CACNA1A: variants seen among roughly 807,000 people sequenced by gnomAD.
CACNA1A encodes the protein voltage-dependent P/Q-type calcium channel subunit alpha-1A.
Under a neutral mutation model 262.4 loss-of-function variants are expected in CACNA1A, and 57 were observed. That is an observed-to-expected ratio of 0.22 (90% CI 0.18 to 0.27). CACNA1A has a LOEUF of 0.27. Among genes scored for constraint, CACNA1A ranks in the 10% least tolerant of loss-of-function variants. The probability of loss-of-function intolerance (pLI) is 1.00; values close to 1 mark genes in which losing one functional copy is unlikely to be tolerated. For missense variants in CACNA1A, 2,526 were observed against 3,562.8 expected, an observed-to-expected ratio of 0.71 and a Z score of 7.41; for synonymous variants, 1,431 against 1,419.3, an observed-to-expected ratio of 1.01 and a Z score of -0.18.
Position 13,232,722 on chromosome 19 carries a change from G to C in CACNA1A, c.5250-862C>G, listed in dbSNP as rs1037759986. On this transcript the variant is annotated intron_variant, in intron 34 of 46. Coordinates refer to ENST00000360228, the MANE Select transcript of CACNA1A (RefSeq NM_001127222.2). ...CTCCAGCCTGGGTGACAAAGAGGGA[G>C]ATTCTGTCTCAAAAAAAAGCAAAAA... Among the ~76,000 whole-genome samples, 5 of 128,560 alleles carry C rather than the reference G, an allele frequency of 3.9e-5. No individual in the cohort carries two copies. In the Admixed American group the frequency reaches 4.2e-4, roughly 11 times the overall value. 84.3% of individuals were successfully genotyped at this position (128,560 alleles called of 152,430 possible). A position where few individuals can be genotyped will look rare whatever the true frequency, so the allele number is the denominator to read the frequency against.
chr19:13,212,546 G>T lies in CACNA1A; in HGVS notation c.6051-24C>A, dbSNP rs764536379. 4 of 1,545,702 alleles carry T rather than the reference G, an allele frequency of 2.6e-6. No individual in the cohort carries two copies. In the South Asian group the frequency reaches 3.6e-5, roughly 14 times the overall value. On this transcript the variant is annotated intron_variant, in intron 41 of 46. Coordinates refer to ENST00000360228, the MANE Select transcript of CACNA1A (RefSeq NM_001127222.2). This position sits in a 1 kb window ranked among gnomAD's most constrained non-coding sequence, Gnocchi z 5.6. ...TCCTGCATGGGGGACAGAGGCCGGG[G>T]TAGCAGTGGGCGCTTGGGCAGCTTC...
rs1376539326 is a variant in CACNA1A, at chr19:13,446,422, TGC to T, written c.539+6452_539+6453del. On this transcript the variant is annotated intron_variant, in intron 3 of 46. Transcript: ENST00000360228. ...TAGGTCTGCATGATGTGTGTGTGTG[TGC>T]GCGCGTGTTTTTTCTTTCTTTTTTT... Among the ~76,000 whole-genome samples, 3 of 149,674 alleles carry T rather than the reference TGC, an allele frequency of 2.0e-5. No individual in the cohort carries two copies. In the East Asian group the frequency reaches 5.9e-4, roughly 30 times the overall value.
At chr19:13,367,084 A>C (rs1239239622) in intron 4 of CACNA1A, among the ~76,000 whole-genome samples, 1 of 151,976 alleles carries the variant, frequency 6.6e-6, no homozygotes, top group Admixed American at 6.6e-5. Flanking sequence ...TAACGAGGTC[A>C]GGAGTTCAAG....
chr19:13,402,857 T>TACACACACAC (rs1282745878), intron 3 of CACNA1A, among the ~76,000 whole-genome samples: 3 of 75,838 alleles, frequency 4.0e-5, no homozygotes, highest in African/African-American at 1.6e-4. Context: ...CATATATATA[T>TACACACACAC]ACACACACAC....
rs2061255186 is a variant in CACNA1A, at chr19:13,466,910, T to TTATTTATTTATA, written c.294-11699_294-11698insTATAAATAAATA. On this transcript the variant is annotated intron_variant, in intron 1 of 46. Coordinates refer to ENST00000360228, the MANE Select transcript of CACNA1A (RefSeq NM_001127222.2). ...TTTATTTATTTATTTATTTATTTAT[T>TTATTTATTTATA]TATTTGTAGAGATGGGTCTCGCTAT... is the stretch of plus-strand genomic sequence containing the variant. Among the ~76,000 whole-genome samples, 5 of 151,774 alleles carry TTATTTATTTATA rather than the reference T, an allele frequency of 3.3e-5. No individual in the cohort carries two copies. In the East Asian group the frequency reaches 9.7e-4, roughly 29 times the overall value.
intron 5 of CACNA1A, among the ~76,000 whole-genome samples, chr19:13,360,474 A>ATT (rs58721308): frequency 5.1e-4 from 64 of 126,232 alleles, no homozygotes; most frequent in Non-Finnish European, 7.8e-4. Flanking sequence ...TGCCACTAGA[A>ATT]TTTTTTTTTT....
intron 38 of CACNA1A, among the ~76,000 whole-genome samples, chr19:13,222,142 A>G (rs962568281): frequency 1.3e-5 from 2 of 151,906 alleles, no homozygotes; most frequent in African/African-American, 4.8e-5. Context: ...CCTGACCTCA[A>G]GTGATCCACC....
chr19:13,227,174 C>T (rs1047979640), intron 37 of CACNA1A: 1 of 256,178 alleles, frequency 3.9e-6, no homozygotes, highest in African/African-American at 2.2e-5. Context: ...CTCCCCCCGG[C>T]ATGTCGGCCA....
intron 3 of CACNA1A, among the ~76,000 whole-genome samples, chr19:13,387,014 C>T (rs1031946632): frequency 6.6e-6 from 1 of 151,954 alleles, no homozygotes; most frequent in African/African-American, 2.4e-5. Context: ...TTCAGTGGTG[C>T]AATCTGGGCT....
intron 4 of CACNA1A, chr19:13,366,135 C>CAT (rs1424772034): frequency 4.6e-5 from 7 of 151,926 alleles, no homozygotes; most frequent in Non-Finnish European, 1.0e-4. Flanking sequence ...GCTAATTTTT[C>CAT]ATATTTTTAG....
Position 13,317,238 on chromosome 19 carries a change from A to C in CACNA1A, c.1429T>G (p.Phe477Val), listed in dbSNP as rs1413181388. 1 of 1,613,678 alleles carries C rather than the reference A, an allele frequency of 6.2e-7. No homozygotes were observed. Among genetic ancestry groups the C allele is most frequent in the South Asian group, 1.1e-5 (1 of 91,034 alleles). ...GTTTTGACCATGCGGCGGATGTAGAAACGCATCCTCCTCTCCTTTTTGTGA... is the reference window on the plus strand; with the variant it reads ...GTTTTGACCATGCGGCGGATGTAGACACGCATCCTCCTCTCCTTTTTGTGA... ...FFHKKERRMR[F>V]YIRRMVKTQA... Residue 477 changes from phenylalanine to valine, a missense_variant, in exon 11 of 47, where the codon TTC becomes GTC. Phe to Val is a conservative substitution (Grantham distance 50, BLOSUM62 -1). Around this residue, in one of 17 missense-constraint regions of CACNA1A, gnomAD observed 104 missense variants for 127.6 expected, o/e 0.81. Transcript: ENST00000360228.
At chr19:13,464,839 C>CAT (rs2061201985) in intron 1 of CACNA1A, among the ~76,000 whole-genome samples, 1 of 152,080 alleles carries the variant, frequency 6.6e-6, no homozygotes, top group African/African-American at 2.4e-5. Context: ...TGAGCCACTG[C>CAT]GCCCGGCCAA....
At chr19:13,231,976 G>A in intron 34 of CACNA1A, 116 bp from the exon 35 acceptor site, 2 of 987,422 alleles carry the variant, frequency 2.0e-6, no homozygotes, top group South Asian at 1.7e-5. Flanking sequence ...GGCCAGGCAA[G>A]CCCCAGGTGG....
intron 4 of CACNA1A, 27 bp from the exon 5 acceptor site, chr19:13,365,496 T>A: frequency 6.2e-7 from 1 of 1,609,058 alleles, no homozygotes; most frequent in Non-Finnish European, 8.5e-7. Context: ...AGAGGCCCCA[T>A]AAGCCCATGA....
intron 4 of CACNA1A, chr19:13,366,274 A>T (rs953928105): frequency 3.0e-4 from 45 of 151,970 alleles, no homozygotes; most frequent in African/African-American, 1.1e-3. Context: ...ATTATTTTTT[A>T]AAAAGCACTT....
At chr19:13,288,203 T>A (rs1331207751) in intron 19 of CACNA1A, among the ~76,000 whole-genome samples, 1 of 151,872 alleles carries the variant, frequency 6.6e-6, no homozygotes, top group Admixed American at 6.6e-5. Flanking sequence ...GATAAATGAA[T>A]ACCCCCATTT....
intron 19 of CACNA1A, among the ~76,000 whole-genome samples, chr19:13,292,392 C>T (rs1006482645): frequency 2.6e-5 from 4 of 151,978 alleles, no homozygotes; most frequent in Non-Finnish European, 4.4e-5. Context: ...GTGGGAGGAT[C>T]GCTTGAACCC....
chr19:13,482,482 C>CAA (rs34452086), intron 1 of CACNA1A, among the ~76,000 whole-genome samples: 4,917 of 141,854 alleles, frequency 0.035, 124 homozygotes, highest in African/African-American at 0.081. Context: ...GACTCCGTCT[C>CAA]AAAAAAAAAA....
At chr19:13,477,580 C>T (rs1171985201) in intron 1 of CACNA1A, among the ~76,000 whole-genome samples, 1 of 152,234 alleles carries the variant, frequency 6.6e-6, no homozygotes, top group Admixed American at 6.5e-5. Context: ...CCAAACTCAA[C>T]ACAGCGATCG....
Sources: allele counts gnomAD v4.1 joint callset (sites outside exome capture counted in the v4.1 genomes callset), GRCh38; gene constraint gnomAD v4.1.1; regional missense constraint gnomAD v4.1.1; non-coding constraint Gnocchi (gnomAD v3.1); transcripts MANE v1.5; gene names NCBI Gene and HGNC (gene_info 2026-07-23, HGNC 2026-07-21).